HEATR1: variants seen among roughly 807,000 people sequenced by gnomAD.
HEATR1 encodes the protein HEAT repeat-containing protein 1.
Under a neutral mutation model 248.2 loss-of-function variants are expected in HEATR1, and 77 were observed. That is an observed-to-expected ratio of 0.31 (90% CI 0.26 to 0.37). HEATR1 has a LOEUF of 0.37. Among genes scored for constraint, HEATR1 ranks in the 10% least tolerant of loss-of-function variants. HEATR1 has a pLI of 1.00. For missense variants in HEATR1, 2,420 were observed against 2,504.9 expected (o/e 0.97, Z 0.72); for synonymous variants, 897 against 923.1 (o/e 0.97, Z 0.51).
intron 34 of HEATR1, among the ~76,000 whole-genome samples, chr1:236,559,423 A>G (rs1350408684): frequency 6.6e-6 from 1 of 152,228 alleles, no homozygotes; most frequent in African/African-American, 2.4e-5. Flanking sequence ...ATATGTATGT[A>G]ATATACTTCA....
At chr1:236,551,237 T>C in intron 44 of HEATR1, 2 of 474,254 alleles carry the variant, frequency 4.2e-6, no homozygotes, top group Non-Finnish European at 3.7e-6. Flanking sequence ...TCAAACTTCC[T>C]AGGGATGCCA....
At chr1:236,570,944 A>T (rs773533109) in intron 28 of HEATR1, among the ~76,000 whole-genome samples, 1 of 152,210 alleles carries the variant, frequency 6.6e-6, no homozygotes, top group Non-Finnish European at 1.5e-5. Flanking sequence ...ATAGTTTATG[A>T]TCAAATTAAT....
intron 3 of HEATR1, among the ~76,000 whole-genome samples, chr1:236,600,850 C>T (rs1027844698): frequency 6.6e-6 from 1 of 152,100 alleles, no homozygotes; most frequent in Non-Finnish European, 1.5e-5. Context: ...GTTTGACATA[C>T]GGTTTTAGCG....
rs1486071982 is a variant in HEATR1, at chr1:236,556,177, G to C, written c.5437C>G (p.Leu1813Val). 5 of 1,614,064 alleles carry C rather than the reference G, an allele frequency of 3.1e-6. No homozygotes were observed. The East Asian group carries it at 8.9e-5, about 29-fold the overall frequency. ...NIRLTSLKKTLATTLAPRVLL... is the reference protein window; with the variant it reads ...NIRLTSLKKTVATTLAPRVLL... ...ACTCGGGGTGCAAGTGTGGTAGCCA[G>C]TGTCTTTTTAAGAGATGTGAGACGG... is the stretch of plus-strand genomic sequence containing the variant. Residue 1813 changes from leucine to valine, a missense_variant, in exon 38 of 45, where the codon CTG becomes GTG. Physicochemically the swap from Leu to Val is conservative, Grantham distance 32. Coordinates refer to ENST00000366582, the MANE Select transcript of HEATR1 (RefSeq NM_018072.6).
intron 11 of HEATR1, among the ~76,000 whole-genome samples, chr1:236,591,663 T>C (rs886917474): frequency 2.0e-5 from 3 of 152,134 alleles, no homozygotes; most frequent in African/African-American, 7.2e-5. Context: ...CTGGAAAGCA[T>C]AGACCTAGAT....
At chr1:236,572,962 C>G (rs1281233164) in intron 24 of HEATR1, 134 bp from the exon 25 acceptor site, 1 of 778,208 alleles carries the variant, frequency 1.3e-6, no homozygotes, top group Non-Finnish European at 2.1e-6. Context: ...TCTGAACCCC[C>G]CCCAGCATTG....
chr1:236,577,856 A>G (rs1461723242), intron 20 of HEATR1, among the ~76,000 whole-genome samples: 2 of 152,138 alleles, frequency 1.3e-5, no homozygotes, highest in Non-Finnish European at 2.9e-5. Flanking sequence ...CCTTACTGGT[A>G]AAGTTTAGGT....
In HEATR1 at chr1:236,550,623, A is replaced by C. The variant is rs1190463199; in HGVS notation, c.*279T>G. Reference sequence around the variant, plus strand: ...TAACAAGTCTAATATTATTACCATCAATCAGGAAGAGAATAATAAATGTTT... The same window carrying C: ...TAACAAGTCTAATATTATTACCATCCATCAGGAAGAGAATAATAAATGTTT... On this transcript the variant is annotated 3_prime_UTR_variant, in exon 45 of 45. Transcript: ENST00000366582. 1 of 347,002 alleles carries C rather than the reference A, an allele frequency of 2.9e-6. No individual in the cohort carries two copies. The highest frequency in any genetic ancestry group is 5.2e-6 in the Non-Finnish European group (1 of 192,958). The allele number at this position is 347,002 out of a possible 1,614,324, so 21.5% of individuals were successfully genotyped here. A position where few individuals can be genotyped will look rare whatever the true frequency, so the allele number is the denominator to read the frequency against.
intron 12 of HEATR1, among the ~76,000 whole-genome samples, chr1:236,589,070 T>G (rs1323977688): frequency 6.6e-6 from 1 of 152,264 alleles, no homozygotes; most frequent in African/African-American, 2.4e-5. Flanking sequence ...GGACATCAAC[T>G]GCAATTACAA....
intron 32 of HEATR1, among the ~76,000 whole-genome samples, chr1:236,563,194 A>G (rs1194600843): frequency 6.6e-6 from 1 of 152,238 alleles, no homozygotes; most frequent in South Asian, 2.1e-4. Context: ...TATGATATAA[A>G]CCACAAGCTT....
intron 17 of HEATR1, among the ~76,000 whole-genome samples, chr1:236,584,724 G>A (rs528720604): frequency 1.3e-5 from 2 of 152,306 alleles, no homozygotes; most frequent in East Asian, 3.9e-4. Context: ...ATTCTTCATC[G>A]CTAGAGGTAG....
At chr1:236,585,740 A>T (rs1008255468) in intron 16 of HEATR1, 80 bp downstream of exon 16, 5 of 1,464,976 alleles carry the variant, frequency 3.4e-6, no homozygotes, top group African/African-American at 2.9e-5. Flanking sequence ...TTTTAAGAAA[A>T]ATCTAGTAAA....
intron 19 of HEATR1, among the ~76,000 whole-genome samples, chr1:236,582,162 T>A (rs1468313993): frequency 1.3e-5 from 2 of 152,148 alleles, no homozygotes; most frequent in Non-Finnish European, 2.9e-5. Flanking sequence ...TGGAGTGCAG[T>A]GGAGCGATCT....
chr1:236,589,656 G>C (rs895245036), intron 12 of HEATR1, among the ~76,000 whole-genome samples: 3 of 152,280 alleles, frequency 2.0e-5, no homozygotes, highest in Non-Finnish European at 4.4e-5. Context: ...TAATTGCTAT[G>C]ACACAAGTTC....
At position 236,586,398 on chromosome 1, in the gene HEATR1, A is replaced by G. The variant is rs1419551596; in HGVS notation, c.1770T>C (p.Ser590=). 6.2e-7 allele frequency: 1 copy of G among 1,613,314 alleles called. No homozygotes were observed. The highest frequency in any genetic ancestry group is 8.5e-7 in the Non-Finnish European group (1 of 1,179,402). ...ADILIKEEIL[S]ENDQLSNQVV... is the part of the protein sequence containing the mutation. ...CCTGATTTGACAACTGATCATTTTC[A>G]CTCAGTATCTCTTCTTTAATTAATA... is the stretch of plus-strand genomic sequence containing the variant. Residue 590 remains serine (S), a synonymous_variant, in exon 15 of 45, where the codon AGT becomes AGC. Coordinates refer to ENST00000366582, the MANE Select transcript of HEATR1 (RefSeq NM_018072.6).
At chr1:236,580,661 C>A (rs557170152) in intron 20 of HEATR1, among the ~76,000 whole-genome samples, 3 of 151,726 alleles carry the variant, frequency 2.0e-5, no homozygotes, top group Non-Finnish European at 2.9e-5. Context: ...GGACTACAGG[C>A]ACGCACCATC....
chr1:236,572,320 A>T, intron 26 of HEATR1, 91 bp downstream of exon 26: 2 of 1,355,676 alleles, frequency 1.5e-6, no homozygotes, highest in Non-Finnish European at 2.1e-6. Context: ...CTATCTAAAC[A>T]AGAGAAGAGT....
At chr1:236,586,503 A>G (rs375847683) in intron 14 of HEATR1, 51 bp from the exon 15 acceptor site, 51 of 1,265,768 alleles carry the variant, frequency 4.0e-5, no homozygotes, top group Non-Finnish European at 5.3e-5. Flanking sequence ...GAAGGCTTCA[A>G]TTGGGCAAAA....
intron 13 of HEATR1, among the ~76,000 whole-genome samples, 197 bp from the exon 14 acceptor site, chr1:236,587,687 T>C (rs2103147703): frequency 6.6e-6 from 1 of 152,264 alleles, no homozygotes; most frequent in Middle Eastern, 3.4e-3. Context: ...GTATTTGCTA[T>C]TGATAAAAAT....
Sources: gnomAD v4.1 joint callset for allele counts (sites outside exome capture counted in the v4.1 genomes callset) on GRCh38, gnomAD v4.1.1 for gene constraint, MANE v1.5 for transcripts, NCBI Gene and HGNC (gene_info 2026-07-23, HGNC 2026-07-21) for gene names.